Variants in DDI2 observed in about 807,000 individuals in gnomAD.
The protein encoded by DDI2 is protein DDI1 homolog 2.
In DDI2, 5 loss-of-function variants were observed where a neutral mutation model predicts 48.1. The observed-to-expected ratio is 0.10, with a 90% confidence interval of 0.05 to 0.22. The LOEUF (loss-of-function observed/expected upper bound fraction) is 0.22. Among genes scored for constraint, DDI2 ranks in the 10% least tolerant of loss-of-function variants. The pLI, the probability that DDI2 is intolerant of heterozygous loss-of-function variation, is 1.00. For missense variants in DDI2, 285 were observed against 506.2 expected, an observed-to-expected ratio of 0.56 and a Z score of 4.19; for synonymous variants, 205 against 183.6, an observed-to-expected ratio of 1.12 and a Z score of -0.94.
chr1:15,628,076 TGC>T (rs1639786075), intron 2 of DDI2, among the ~76,000 whole-genome samples: 1 of 152,116 alleles, frequency 6.6e-6, no homozygotes, highest in South Asian at 2.1e-4. Flanking sequence ...TTTTTTCCTC[TGC>T]ATTGTTGTTT....
Position 15,661,151 on chromosome 1 carries a change from A to G in DDI2, c.*1361A>G. ...ATATCTGTATCAGTGGAGACAGAAAAATTAACAGGTACTTCATCTGACACT... is the reference window on the plus strand; with the variant it reads ...ATATCTGTATCAGTGGAGACAGAAAGATTAACAGGTACTTCATCTGACACT... On this transcript the variant is annotated 3_prime_UTR_variant, in exon 10 of 10. Coordinates refer to ENST00000480945, the MANE Select transcript of DDI2 (RefSeq NM_032341.5). 2 of 1,614,086 alleles carry G rather than the reference A, an allele frequency of 1.2e-6. No homozygotes were observed. The highest frequency in any genetic ancestry group is 1.7e-6 in the Non-Finnish European group (2 of 1,180,002).
In DDI2 at chr1:15,668,237, A is replaced by T. The variant is rs1490100096; in HGVS notation, c.*8447A>T. The stretch of plus-strand genomic sequence containing the variant: ...ATGGTAGACCTGTATTTCCTTCCCG[A>T]GGCAGGCTGATTCGTTTCCTGATTC... On this transcript the variant is annotated 3_prime_UTR_variant, in exon 10 of 10. Transcript: ENST00000480945. 1 of 152,148 alleles carries T rather than the reference A, an allele frequency of 6.6e-6. No individual in the cohort carries two copies. Among genetic ancestry groups the T allele is most frequent in the Non-Finnish European group, 1.5e-5 (1 of 68,044 alleles). The allele number at this position is 152,148 out of a possible 1,614,324, so 9.4% of individuals were successfully genotyped here.
intron 2 of DDI2, among the ~76,000 whole-genome samples, chr1:15,628,731 A>G (rs1639796704): frequency 1.6e-5 from 2 of 123,870 alleles, no homozygotes; most frequent in African/African-American, 3.4e-5. Flanking sequence ...TTATTGAGAT[A>G]GAATTCATGC....
chr1:15,649,749 C>G lies in DDI2; in HGVS notation c.919C>G (p.Pro307Ala), dbSNP rs1640149596. The G allele has an allele frequency of 6.2e-7, 1 of 1,612,910 alleles. No individual in the cohort carries two copies. Among genetic ancestry groups the G allele is most frequent in the Non-Finnish European group, 8.5e-7 (1 of 1,179,564 alleles). ...AQVQIEGDFL[P>A]CSFSILEEQP... ...GGTTCAGATTGAAGGAGATTTTTTG[C>G]CATGTTCCTTCTCTATACTTGAGGA... Residue 307 changes from proline to alanine, a missense_variant, in exon 7 of 10, where the codon CCA becomes GCA. By Grantham distance (27) the Pro-to-Ala change is conservative. This residue lies in a region of DDI2 where 70 missense variants were observed against 182.3 expected (regional missense o/e 0.38). Coordinates refer to ENST00000480945, the MANE Select transcript of DDI2 (RefSeq NM_032341.5).
chr1:15,653,106 C>T (rs74707777), intron 8 of DDI2, among the ~76,000 whole-genome samples: 15,653 of 152,032 alleles, frequency 0.1, 1,107 homozygotes, highest in African/African-American at 0.19. Flanking sequence ...TGCTTAGACA[C>T]ATTTTAGAAG....
At position 15,659,864 on chromosome 1, in the gene DDI2, TG is replaced by T. The variant is rs780337671; in HGVS notation, c.*77del. Reference sequence around the variant, plus strand: ...AAAAGTGGTAAAGAATCTACCTCACTGGGAATGTCATCATTACCAACTTCAG... The same window carrying T: ...AAAAGTGGTAAAGAATCTACCTCACTGGAATGTCATCATTACCAACTTCAG... On this transcript the variant is annotated 3_prime_UTR_variant, in exon 10 of 10. Coordinates refer to ENST00000480945, the MANE Select transcript of DDI2 (RefSeq NM_032341.5). 1.0e-5 allele frequency: 16 copies of T among 1,560,520 alleles called. No homozygotes were observed. The highest frequency in any genetic ancestry group is 8.6e-7 in the Non-Finnish European group (1 of 1,157,654).
chr1:15,656,288 T>A, intron 8 of DDI2: 1 of 637,370 alleles, frequency 1.6e-6, no homozygotes, highest in Non-Finnish European at 2.2e-6. Context: ...TCCATAAGAT[T>A]TTTTTAATCA....
At position 15,668,377 on chromosome 1, in the gene DDI2, T is replaced by G. The variant is rs1248964061; in HGVS notation, c.*8587T>G. 1 of 152,232 alleles carries G rather than the reference T, an allele frequency of 6.6e-6. No individual in the cohort carries two copies. The highest frequency in any genetic ancestry group is 1.5e-5 in the Non-Finnish European group (1 of 68,042). 9.4% of individuals were successfully genotyped at this position (152,232 alleles called of 1,614,324 possible). ...TCCCATTTGAATGACTAGATTTCTATTCTATCCCCGATCATCCTTTTGAAA... is the reference window on the plus strand; with the variant it reads ...TCCCATTTGAATGACTAGATTTCTAGTCTATCCCCGATCATCCTTTTGAAA... On this transcript the variant is annotated 3_prime_UTR_variant, in exon 10 of 10. Transcript: ENST00000480945.
intron 7 of DDI2, among the ~76,000 whole-genome samples, chr1:15,651,383 A>G (rs1293281491): frequency 2.0e-4 from 30 of 152,018 alleles, no homozygotes; most frequent in Non-Finnish European, 2.9e-5. Flanking sequence ...GCGTGGCACA[A>G]TCTTGGCTCA....
At chr1:15,628,514 G>C (rs540755816) in intron 2 of DDI2, among the ~76,000 whole-genome samples, 5 of 152,096 alleles carry the variant, frequency 3.3e-5, no homozygotes, top group African/African-American at 1.2e-4. Flanking sequence ...CTATAATTCT[G>C]ATCACTGTGG....
chr1:15,633,483 C>A lies in DDI2; in HGVS notation c.550C>A (p.Arg184=). The A allele has an allele frequency of 6.2e-7, 1 of 1,613,638 alleles. No individual in the cohort carries two copies. Among genetic ancestry groups the A allele is most frequent in the Non-Finnish European group, 8.5e-7 (1 of 1,179,724 alleles). ...VLVEQQQDRA[R]REQERIRLFS... is the part of the protein sequence containing the mutation. Reference sequence around the variant, plus strand: ...GGTGGAGCAGCAGCAGGACCGAGCCCGGAGAGAGCAAGAAAGGATTCGTCT... The same window carrying A: ...GGTGGAGCAGCAGCAGGACCGAGCCAGGAGAGAGCAAGAAAGGATTCGTCT... The change falls in exon 4 of 10, where the codon CGG becomes AGG. Residue 184 remains arginine (R), a synonymous_variant. Coordinates refer to ENST00000480945, the MANE Select transcript of DDI2 (RefSeq NM_032341.5).
chr1:15,642,013 T>C (rs577692045), intron 5 of DDI2, among the ~76,000 whole-genome samples: 2 of 147,298 alleles, frequency 1.4e-5, no homozygotes, highest in African/African-American at 5.0e-5. Flanking sequence ...AGAAATTGCA[T>C]AGACCTTATT....
At chr1:15,624,225 C>T (rs778948274) in intron 1 of DDI2, among the ~76,000 whole-genome samples, 5 of 152,180 alleles carry the variant, frequency 3.3e-5, no homozygotes, top group Non-Finnish European at 7.3e-5. Context: ...GCCTACCTGC[C>T]ATTTCTCTTG....
At chr1:15,654,528 C>T (rs1487979157) in intron 8 of DDI2, among the ~76,000 whole-genome samples, 2 of 151,958 alleles carry the variant, frequency 1.3e-5, no homozygotes, top group Non-Finnish European at 2.9e-5. Flanking sequence ...CATGGTGGCG[C>T]GCCTATGGTC....
Position 15,656,641 on chromosome 1 carries a change from A to G in DDI2, c.*8A>G, listed in dbSNP as rs775896303. 6.2e-7 allele frequency: 1 copy of G among 1,614,136 alleles called. No homozygotes were observed. ...GAGCGTCAGAAGCCATGATGCATGT[A>G]GTGTGTGTGTACTGCAGCTGGAGTG... On this transcript the variant is annotated 3_prime_UTR_variant, in exon 9 of 10. Coordinates refer to ENST00000480945, the MANE Select transcript of DDI2 (RefSeq NM_032341.5).
intron 2 of DDI2, among the ~76,000 whole-genome samples, chr1:15,627,578 A>T (rs549310900): frequency 6.6e-6 from 1 of 152,300 alleles, no homozygotes; most frequent in African/African-American, 2.4e-5. Context: ...AATTGTGTGG[A>T]TGTGAATGTG....
intron 8 of DDI2, among the ~76,000 whole-genome samples, chr1:15,652,246 T>G (rs903361493): frequency 6.6e-6 from 1 of 151,518 alleles, no homozygotes; most frequent in African/African-American, 2.4e-5. Flanking sequence ...TTAGCAGAGA[T>G]AGGGTCTTGC....
At chr1:15,643,763 A>G in intron 6 of DDI2, 113 bp downstream of exon 6, 1 of 1,449,474 alleles carries the variant, frequency 6.9e-7, no homozygotes, top group Non-Finnish European at 9.2e-7. Context: ...TTGTTGTTTT[A>G]AATTTCTTTT....
At chr1:15,638,862 G>T (rs1639965384) in intron 5 of DDI2, among the ~76,000 whole-genome samples, 1 of 152,118 alleles carries the variant, frequency 6.6e-6, no homozygotes, top group African/African-American at 2.4e-5. Flanking sequence ...GAGGCATTCT[G>T]TTGGTATTAG....
Sources: allele counts gnomAD v4.1 joint callset (sites outside exome capture counted in the v4.1 genomes callset), GRCh38; gene constraint gnomAD v4.1.1; regional missense constraint gnomAD v4.1.1; transcripts MANE v1.5; gene names NCBI Gene and HGNC (gene_info 2026-07-23, HGNC 2026-07-21).